ADGRB3: variants seen among roughly 807,000 people sequenced by gnomAD.
ADGRB3 encodes adhesion G protein-coupled receptor B3.
In ADGRB3, 37 loss-of-function variants were observed where a neutral mutation model predicts 193.4. The ratio of observed to expected loss-of-function variants is 0.19; its 90% confidence interval spans 0.15 to 0.25. The LOEUF (loss-of-function observed/expected upper bound fraction) is 0.25, where lower values mean the gene tolerates loss of function less well. ADGRB3 is among the 10% of genes least tolerant of loss of function. ADGRB3 has a pLI of 1.00. For synonymous variants in ADGRB3, 690 were observed against 644.2 expected, an observed-to-expected ratio of 1.07 and a Z score of -1.08; for missense variants, 1,637 against 1,852.9, an observed-to-expected ratio of 0.88 and a Z score of 2.14.
intron 3 of ADGRB3, among the ~76,000 whole-genome samples, chr6:68,831,389 G>A (rs1767950543): frequency 6.6e-6 from 1 of 151,738 alleles, no homozygotes; most frequent in Non-Finnish European, 1.5e-5. Flanking sequence ...GGACTTTTTA[G>A]GTGGAAAAGT....
At chr6:69,355,679 C>A in intron 27 of ADGRB3, 142 bp from the exon 28 acceptor site, 1 of 678,208 alleles carries the variant, frequency 1.5e-6, no homozygotes, top group Non-Finnish European at 2.6e-6. Context: ...TCTAATTATA[C>A]ATAGAGAAAT....
chr6:68,712,464 T>C, intron 3 of ADGRB3, among the ~76,000 whole-genome samples: 1 of 152,042 alleles, frequency 6.6e-6, no homozygotes, highest in East Asian at 1.9e-4. Context: ...TCAAAATCAC[T>C]AGAAATCTAT....
At chr6:69,211,406 C>T (rs1765664548) in intron 17 of ADGRB3, among the ~76,000 whole-genome samples, 2 of 152,264 alleles carry the variant, frequency 1.3e-5, no homozygotes, top group East Asian at 1.9e-4. Context: ...TTGGGCTTTT[C>T]TGCCAAACTT....
At chr6:68,890,548 T>C (rs1219891088) in intron 3 of ADGRB3, among the ~76,000 whole-genome samples, 2 of 152,222 alleles carry the variant, frequency 1.3e-5, no homozygotes, top group Non-Finnish European at 2.9e-5. Context: ...TTGTGGTTAT[T>C]TGTTTATTTT....
chr6:69,279,596 A>G (rs1422871538), intron 20 of ADGRB3, among the ~76,000 whole-genome samples: 1 of 152,046 alleles, frequency 6.6e-6, no homozygotes, highest in South Asian at 2.1e-4. Context: ...CTCTAGAATA[A>G]CTATTTTTGA....
chr6:68,792,179 A>G (rs1767119903), intron 3 of ADGRB3, among the ~76,000 whole-genome samples: 1 of 152,216 alleles, frequency 6.6e-6, no homozygotes, highest in Non-Finnish European at 1.5e-5. Flanking sequence ...AGCTAACTGT[A>G]TTTGTGAGAA....
At chr6:69,288,315 G>A (rs1186028755) in intron 20 of ADGRB3, among the ~76,000 whole-genome samples, 2 of 152,140 alleles carry the variant, frequency 1.3e-5, no homozygotes, top group Non-Finnish European at 2.9e-5. Context: ...TTCTGTTCCT[G>A]TGTTAGCTTG....
chr6:69,256,890 T>G (rs1228890288), intron 20 of ADGRB3, among the ~76,000 whole-genome samples: 1 of 152,220 alleles, frequency 6.6e-6, no homozygotes, highest in Non-Finnish European at 1.5e-5. Flanking sequence ...CAATACCTAA[T>G]TTATTGAGAG....
intron 5 of ADGRB3, among the ~76,000 whole-genome samples, chr6:68,939,412 C>T (rs1347432405): frequency 2.6e-5 from 4 of 152,150 alleles, no homozygotes; most frequent in African/African-American, 9.7e-5. Context: ...ACTAGCCCCT[C>T]TTCACCTTTA....
intron 3 of ADGRB3, among the ~76,000 whole-genome samples, chr6:68,757,828 A>G (rs1006226795): frequency 2.0e-5 from 3 of 152,118 alleles, no homozygotes; most frequent in African/African-American, 4.8e-5. Context: ...CCTGGCTTCT[A>G]TAGTCACCAC....
At chr6:69,087,037 C>T (rs754862914) in intron 17 of ADGRB3, among the ~76,000 whole-genome samples, 3 of 152,098 alleles carry the variant, frequency 2.0e-5, no homozygotes, top group Non-Finnish European at 4.4e-5. Context: ...TTGCTTAAGT[C>T]TATAACCTGT....
chr6:69,014,189 C>T, intron 12 of ADGRB3, 83 bp downstream of exon 12: 1 of 986,724 alleles, frequency 1.0e-6, no homozygotes, highest in Non-Finnish European at 1.5e-6. Flanking sequence ...CTTGCTATTT[C>T]AGGAAAACAA....
At chr6:68,903,322 C>T (rs886999741) in intron 3 of ADGRB3, among the ~76,000 whole-genome samples, 2 of 151,968 alleles carry the variant, frequency 1.3e-5, no homozygotes, top group Non-Finnish European at 2.9e-5. Flanking sequence ...TCAAAATGAC[C>T]TATTTTAAAT....
intron 20 of ADGRB3, among the ~76,000 whole-genome samples, chr6:69,275,434 C>T (rs1767281993): frequency 6.6e-6 from 1 of 151,906 alleles, no homozygotes; most frequent in Admixed American, 6.6e-5. Context: ...TCCTCATTGG[C>T]CTAGAGATTT....
chr6:68,715,838 A>C (rs183183512), intron 3 of ADGRB3, among the ~76,000 whole-genome samples: 6 of 151,892 alleles, frequency 4.0e-5, no homozygotes, highest in Non-Finnish European at 8.8e-5. Context: ...ACAATTTTAC[A>C]TAACAATGTG....
At chr6:69,297,932 C>G (rs1335802247) in intron 20 of ADGRB3, among the ~76,000 whole-genome samples, 4 of 151,974 alleles carry the variant, frequency 2.6e-5, no homozygotes, top group African/African-American at 9.7e-5. Context: ...GTTTGAAATC[C>G]TACTCTACTA....
At chr6:68,704,812 T>C (rs146492072) in intron 3 of ADGRB3, among the ~76,000 whole-genome samples, 1 of 152,300 alleles carries the variant, frequency 6.6e-6, no homozygotes, top group East Asian at 1.9e-4. Context: ...TCATTAGGTA[T>C]AGTTTTGTGT....
chr6:68,889,526 G>T (rs1188955738), intron 3 of ADGRB3, among the ~76,000 whole-genome samples: 4 of 144,842 alleles, frequency 2.8e-5, no homozygotes, highest in Middle Eastern at 7.3e-3. Context: ...TTTTTGAGAC[G>T]GCTTCTCGCT....
chr6:68,681,165 A>G (rs1764887368), intron 3 of ADGRB3, among the ~76,000 whole-genome samples: 1 of 152,088 alleles, frequency 6.6e-6, no homozygotes, highest in East Asian at 1.9e-4. Flanking sequence ...GCTAGAATGC[A>G]CTCATTATGG....
Sources: allele counts gnomAD v4.1 joint callset (sites outside exome capture counted in the v4.1 genomes callset), GRCh38; gene constraint gnomAD v4.1.1; transcripts MANE v1.5; gene names NCBI Gene and HGNC (gene_info 2026-07-23, HGNC 2026-07-21).